Variants in C4orf50 observed in about 807,000 individuals in gnomAD.
The protein encoded by C4orf50 is chromosome 4 open reading frame 50.
A neutral mutation model predicts 77.2 loss-of-function variants in C4orf50; 80 were observed. The observed-to-expected ratio is 1.04, with a 90% CI of 0.87 to 1.25. The LOEUF (loss-of-function observed/expected upper bound fraction) is 1.25, where lower values mean the gene tolerates loss of function less well. C4orf50 is among the 50% of genes most tolerant of loss of function. C4orf50 has a pLI of 0.00. For missense variants in C4orf50, 1,257 were observed against 1,152.9 expected (o/e 1.09, Z -1.31); for synonymous variants, 532 against 465.3 (o/e 1.14, Z -1.84).
rs368987108 is a variant in C4orf50, at chr4:5,961,048, A to AACAAGG, written c.4276-1428_4276-1423dup. Among the ~76,000 whole-genome samples the AACAAGG allele has an allele frequency of 2.8e-3, 419 of 152,352 alleles. 5 individuals are homozygous for AACAAGG. The highest frequency in any genetic ancestry group is 5.0e-3 in the Admixed American group (77 of 15,306). ...GTGGCTGTCTCTTCATGGAAGGACAAACAAGGACAAGGACAAGGAACTGAG... is the reference window on the plus strand; with the variant it reads ...GTGGCTGTCTCTTCATGGAAGGACAAACAAGGACAAGGACAAGGACAAGGAACTGAG... On this transcript the variant is annotated intron_variant, in intron 33 of 33. Coordinates refer to ENST00000531445, the Ensembl canonical transcript of C4orf50.
chr4:5,989,293 G>A (rs1721107223), exon 28 of C4orf50: 3 of 1,536,064 alleles, frequency 2.0e-6, no homozygotes, highest in Non-Finnish European at 2.6e-6. Flanking sequence ...TCTCTCGAGG[G>A]CACCCCAGGG....
At chr4:5,961,642 C>A (rs1305782988) in intron 33 of C4orf50, among the ~76,000 whole-genome samples, 1 of 152,212 alleles carries the variant, frequency 6.6e-6, no homozygotes, top group Non-Finnish European at 1.5e-5. Context: ...CCATACGGCT[C>A]TCAAGCCTGC....
intron 33 of C4orf50, 24 bp from the exon 12 acceptor site, chr4:5,959,650 T>G: frequency 6.2e-7 from 1 of 1,600,714 alleles, no homozygotes; most frequent in Non-Finnish European, 8.5e-7. Flanking sequence ...GACAATGAAA[T>G]GGTCTCTGCG....
At chr4:5,899,839 A>G (rs1227069990) in intron 7 of C4orf50, 1 of 152,242 alleles carries the variant, frequency 6.6e-6, no homozygotes, top group East Asian at 1.9e-4. Flanking sequence ...CTTGGGCATC[A>G]GTGTTTTAAA....
intron 32 of C4orf50, 72 bp from the exon 11 acceptor site, chr4:5,965,217 T>C: frequency 6.9e-7 from 1 of 1,448,006 alleles, no homozygotes; most frequent in Non-Finnish European, 9.5e-7. Context: ...GTCTGAGCCT[T>C]GTCATAACCT....
chr4:5,926,087 C>A (rs545791157), intron 7 of C4orf50, among the ~76,000 whole-genome samples: 6 of 152,312 alleles, frequency 3.9e-5, no homozygotes, highest in Admixed American at 3.9e-4. Context: ...GTTTTCCTTT[C>A]GCCCAACGTG....
At chr4:5,972,757 C>G (rs1720002354) in intron 31 of C4orf50, among the ~76,000 whole-genome samples, 1 of 152,226 alleles carries the variant, frequency 6.6e-6, no homozygotes, top group African/African-American at 2.4e-5. Flanking sequence ...ACCGTGGGAG[C>G]TGGTCTCACC....
At chr4:5,994,566 G>C (rs1286893172) in intron 25 of C4orf50, 90 bp from the exon 4 acceptor site, 3 of 398,222 alleles carry the variant, frequency 7.5e-6, no homozygotes, top group Non-Finnish European at 1.3e-5. Context: ...TCCCCAGAAG[G>C]GAGCTTGAGT....
At chr4:5,936,969 C>G (rs1464981654) in intron 7 of C4orf50, among the ~76,000 whole-genome samples, 1 of 151,402 alleles carries the variant, frequency 6.6e-6, no homozygotes, top group Non-Finnish European at 1.5e-5. Flanking sequence ...GTCATACCAC[C>G]AAGAAGAAAT....
At chr4:5,931,252 G>C (rs1450637523) in intron 7 of C4orf50, among the ~76,000 whole-genome samples, 3 of 152,152 alleles carry the variant, frequency 2.0e-5, no homozygotes, top group Admixed American at 2.0e-4. Context: ...TTGTATTCAG[G>C]GCAAAGGAAA....
chr4:5,912,830 C>G (rs903810194), intron 7 of C4orf50, among the ~76,000 whole-genome samples: 4 of 152,132 alleles, frequency 2.6e-5, no homozygotes, highest in Admixed American at 2.6e-4. Flanking sequence ...GTTGCATGCT[C>G]TGGGTTATAT....
rs148629809 is a variant in C4orf50 at position 6,004,315 on chromosome 4, GTGATC to G, written c.963+3676_963+3680del. Reference sequence around the variant, plus strand: ...TGATGATGGTGATGGTGGTGATGATGTGATCGTAATGGTGATGATGGTGATGGTGA... The same window carrying G: ...TGATGATGGTGATGGTGGTGATGATGGTAATGGTGATGATGGTGATGGTGA... On this transcript the variant is annotated intron_variant, in intron 25 of 33. Transcript: ENST00000531445. Among the ~76,000 whole-genome samples the G allele has an allele frequency of 4.2e-3, 92 of 22,114 alleles. 20 individuals carry two copies. In the East Asian group the frequency reaches 0.063, roughly 15 times the overall value. The allele number at this position is 22,114 out of a possible 152,430, so 14.5% of individuals were successfully genotyped here.
intron 31 of C4orf50, among the ~76,000 whole-genome samples, chr4:5,972,073 C>A (rs564097882): frequency 6.7e-6 from 1 of 148,650 alleles, no homozygotes; most frequent in Non-Finnish European, 1.5e-5. Context: ...GGTGTGATCT[C>A]GGCTCACTGC....
intron 7 of C4orf50, among the ~76,000 whole-genome samples, chr4:5,946,254 C>T (rs1319654986): frequency 2.6e-5 from 4 of 152,106 alleles, no homozygotes; most frequent in African/African-American, 7.2e-5. Flanking sequence ...GGTGGGAGGA[C>T]GGCAGCCAGG....
chr4:5,995,210 C>T (rs1721512558), intron 25 of C4orf50, among the ~76,000 whole-genome samples: 1 of 152,132 alleles, frequency 6.6e-6, no homozygotes, highest in African/African-American at 2.4e-5. Flanking sequence ...CAGCCCAGGG[C>T]ACCCTGGAAG....
intron 7 of C4orf50, among the ~76,000 whole-genome samples, chr4:5,944,820 G>A (rs1718414079): frequency 6.6e-6 from 1 of 152,178 alleles, no homozygotes; most frequent in African/African-American, 2.4e-5. Context: ...TGGGGCGGAG[G>A]GGTCTGGGAA....
At chr4:5,981,015 G>A (rs1230841409) in intron 28 of C4orf50, among the ~76,000 whole-genome samples, 2 of 152,146 alleles carry the variant, frequency 1.3e-5, no homozygotes, top group Non-Finnish European at 2.9e-5. Flanking sequence ...CAAAATGGGA[G>A]AGGTGCTACT....
chr4:5,944,719 G>A (rs553949785), intron 7 of C4orf50, among the ~76,000 whole-genome samples: 4 of 152,092 alleles, frequency 2.6e-5, no homozygotes, highest in Non-Finnish European at 5.9e-5. Context: ...GCAGCCTGCT[G>A]GGAGACAGGC....
rs1719070201 is a variant in C4orf50 at position 5,958,135 on chromosome 4, AAG to A, written c.*1238_*1239del. On this transcript the variant is annotated 3_prime_UTR_variant, in exon 34 of 34. Coordinates refer to ENST00000531445, the Ensembl canonical transcript of C4orf50. The surrounding 1 kb of genome is among the most constrained non-coding windows in gnomAD (Gnocchi z 5.4). ...TAAGCCCCTCCTCAGCCCCTTCCCA[AAG>A]AGAGAGGTGACATCTCTGGTGGGTG... 6.6e-6 allele frequency: 1 copy of A among 152,208 alleles called. No individual in the cohort carries two copies. The highest frequency in any genetic ancestry group is 6.6e-5 in the Admixed American group (1 of 15,266). 9.4% of individuals were successfully genotyped at this position (152,208 alleles called of 1,614,324 possible).
Sources: allele counts gnomAD v4.1 joint callset (sites outside exome capture counted in the v4.1 genomes callset), GRCh38; gene constraint gnomAD v4.1.1; non-coding constraint Gnocchi (gnomAD v3.1); transcripts MANE v1.5; gene names NCBI Gene and HGNC (gene_info 2026-07-23, HGNC 2026-07-21).